ARHGAP15: variants seen among roughly 807,000 people sequenced by gnomAD.
ARHGAP15 encodes the protein Rho GTPase activating protein 15.
In ARHGAP15, 51 loss-of-function variants were observed where a neutral mutation model predicts 63.7. That is an observed-to-expected ratio of 0.80 (90% CI 0.64 to 1.01). The LOEUF is 1.01. ARHGAP15 is among the 50% of genes least tolerant of loss of function. The probability of loss-of-function intolerance (pLI) is 0.00; values close to 1 mark genes in which losing one functional copy is unlikely to be tolerated. For missense variants in ARHGAP15, 560 were observed against 564.6 expected (o/e 0.99, Z 0.08); for synonymous variants, 191 against 193.8 (o/e 0.99, Z 0.12).
chr2:143,582,590 G>A (rs777649445), intron 11 of ARHGAP15, among the ~76,000 whole-genome samples: 9 of 152,148 alleles, frequency 5.9e-5, no homozygotes, highest in Admixed American at 6.5e-5. Context: ...AGTGGCAACC[G>A]ATGAGTGAGC....
At chr2:143,402,620 A>G (rs1444761704) in intron 6 of ARHGAP15, among the ~76,000 whole-genome samples, 1 of 151,810 alleles carries the variant, frequency 6.6e-6, no homozygotes, top group Non-Finnish European at 1.5e-5. Flanking sequence ...GAAACTGTCC[A>G]ATCCTTTCTG....
At chr2:143,230,660 T>C (rs1190002671) in intron 5 of ARHGAP15, among the ~76,000 whole-genome samples, 1 of 152,230 alleles carries the variant, frequency 6.6e-6, no homozygotes, top group Non-Finnish European at 1.5e-5. Context: ...CTGCATGAAT[T>C]GACTTGCTAG....
chr2:143,682,864 T>C (rs1683167824), intron 12 of ARHGAP15: 1 of 152,220 alleles, frequency 6.6e-6, no homozygotes, highest in Non-Finnish European at 1.5e-5. Context: ...AGTTCTCTGT[T>C]ATTCTTACGA....
chr2:143,327,239 C>T (rs1684293798), intron 6 of ARHGAP15, among the ~76,000 whole-genome samples: 1 of 151,672 alleles, frequency 6.6e-6, no homozygotes, highest in Non-Finnish European at 1.5e-5. Context: ...AACTATAAAC[C>T]ACTGTGAGGA....
At chr2:143,619,681 G>A (rs185955882) in intron 11 of ARHGAP15, among the ~76,000 whole-genome samples, 1 of 152,294 alleles carries the variant, frequency 6.6e-6, no homozygotes, top group East Asian at 1.9e-4. Context: ...GGTGGGAGGT[G>A]ATTGGATCAT....
intron 2 of ARHGAP15, among the ~76,000 whole-genome samples, chr2:143,174,055 G>A (rs570786097): frequency 1.3e-5 from 2 of 152,144 alleles, no homozygotes; most frequent in East Asian, 3.9e-4. Context: ...TTGAGTCAAC[G>A]TCGCATTTAT....
At chr2:143,468,882 T>C (rs1208710445) in intron 8 of ARHGAP15, among the ~76,000 whole-genome samples, 4 of 152,158 alleles carry the variant, frequency 2.6e-5, no homozygotes, top group African/African-American at 9.7e-5. Context: ...ACCAGTCTAT[T>C]CTGTAGTCAA....
intron 6 of ARHGAP15, among the ~76,000 whole-genome samples, chr2:143,342,492 G>T (rs759320650): frequency 6.6e-6 from 1 of 151,958 alleles, no homozygotes. Context: ...GAGTAATTTG[G>T]CTACTTATAG....
intron 9 of ARHGAP15, among the ~76,000 whole-genome samples, chr2:143,504,427 C>T (rs1041125246): frequency 6.6e-6 from 1 of 152,166 alleles, no homozygotes; most frequent in Admixed American, 6.5e-5. Flanking sequence ...CACCTCCATA[C>T]CCCCAAAACT....
At chr2:143,318,535 T>TTTCC (rs1254371914) in intron 6 of ARHGAP15, among the ~76,000 whole-genome samples, 2 of 123,338 alleles carry the variant, frequency 1.6e-5, no homozygotes, top group African/African-American at 6.9e-5. Flanking sequence ...TTTTTTTTTT[T>TTTCC]CGAACAGTCA....
At chr2:143,749,155 G>A (rs1686277236) in intron 13 of ARHGAP15, among the ~76,000 whole-genome samples, 3 of 152,156 alleles carry the variant, frequency 2.0e-5, no homozygotes, top group African/African-American at 7.2e-5. Flanking sequence ...GTCTGGAAAT[G>A]TAAAAAATAA....
At chr2:143,578,342 TAG>T (rs1478521474) in intron 11 of ARHGAP15, among the ~76,000 whole-genome samples, 1 of 152,096 alleles carries the variant, frequency 6.6e-6, no homozygotes, top group Non-Finnish European at 1.5e-5. Flanking sequence ...AGATATTTAA[TAG>T]AAAATTACAA....
chr2:143,368,423 A>G (rs4662325), intron 6 of ARHGAP15, among the ~76,000 whole-genome samples: 20,421 of 152,038 alleles, frequency 0.13, 1,541 homozygotes, highest in Non-Finnish European at 0.14. Flanking sequence ...GAGAGGCACG[A>G]AAGAAAAATA....
At chr2:143,650,308 G>A (rs907139158) in intron 12 of ARHGAP15, among the ~76,000 whole-genome samples, 6 of 151,880 alleles carry the variant, frequency 4.0e-5, no homozygotes, top group Admixed American at 2.0e-4. Context: ...AAAAGAGTGG[G>A]TTGGGAAGTG....
At chr2:143,420,569 T>G (rs1025240763) in intron 6 of ARHGAP15, among the ~76,000 whole-genome samples, 2 of 152,172 alleles carry the variant, frequency 1.3e-5, no homozygotes, top group African/African-American at 2.4e-5. Context: ...TTGTGGTAAG[T>G]GTTCTCTGAA....
chr2:143,270,065 C>T (rs910640581), intron 6 of ARHGAP15, among the ~76,000 whole-genome samples: 14 of 151,800 alleles, frequency 9.2e-5, no homozygotes, highest in Admixed American at 9.2e-4. Context: ...CTCCACCTCT[C>T]GGGTTCAAGC....
At chr2:143,258,837 TTTAC>T (rs1680561835) in intron 6 of ARHGAP15, among the ~76,000 whole-genome samples, 2 of 152,164 alleles carry the variant, frequency 1.3e-5, no homozygotes, top group Non-Finnish European at 2.9e-5. Flanking sequence ...GCCTCATCAA[TTTAC>T]CTAACATTGC....
At chr2:143,546,719 ATGAT>A (rs1239798474) in intron 10 of ARHGAP15, among the ~76,000 whole-genome samples, 1 of 152,256 alleles carries the variant, frequency 6.6e-6, no homozygotes, top group East Asian at 1.9e-4. Context: ...TACCAAATGA[ATGAT>A]TTATTTACAT....
At chr2:143,327,964 A>G (rs1256876419) in intron 6 of ARHGAP15, among the ~76,000 whole-genome samples, 2 of 152,230 alleles carry the variant, frequency 1.3e-5, no homozygotes, top group African/African-American at 4.8e-5. Flanking sequence ...TTCTCAAAAG[A>G]AGACATTTAT....
Sources: allele counts gnomAD v4.1 joint callset (sites outside exome capture counted in the v4.1 genomes callset), GRCh38; gene constraint gnomAD v4.1.1; transcripts MANE v1.5; gene names NCBI Gene and HGNC (gene_info 2026-07-23, HGNC 2026-07-21).